The following NCAM1 variants were observed in gnomAD, a reference collection of about 807,000 sequenced individuals.
NCAM1 encodes neural cell adhesion molecule 1.
Under a neutral mutation model 109.8 loss-of-function variants are expected in NCAM1, and 14 were observed. The observed-to-expected ratio is 0.13, with a 90% confidence interval of 0.08 to 0.20. The LOEUF is 0.20. Ranked by LOEUF, NCAM1 falls within the 10% of genes least tolerant of loss-of-function variation. The probability of loss-of-function intolerance (pLI) is 1.00; values close to 1 mark genes in which losing one functional copy is unlikely to be tolerated. For missense variants in NCAM1, 774 were observed against 1,109.9 expected (o/e 0.70, Z 4.30); for synonymous variants, 418 against 442.9 (o/e 0.94, Z 0.70).
At chr11:113,090,603 G>T (rs564689168) in intron 1 of NCAM1, among the ~76,000 whole-genome samples, 1 of 152,184 alleles carries the variant, frequency 6.6e-6, no homozygotes, top group Admixed American at 6.5e-5. Flanking sequence ...GGAAAGTCAG[G>T]TCTGCATGTC....
At chr11:113,023,595 T>C (rs550160745) in intron 1 of NCAM1, among the ~76,000 whole-genome samples, 104 of 152,314 alleles carry the variant, frequency 6.8e-4, no homozygotes, top group Non-Finnish European at 1.4e-3. Flanking sequence ...TAAAAAGAAG[T>C]AGCTTTAAAC....
At chr11:113,275,190 T>A in intron 19 of NCAM1, 77 bp from the exon 20 acceptor site, 1 of 1,574,500 alleles carries the variant, frequency 6.4e-7, no homozygotes, top group Non-Finnish European at 8.6e-7. Flanking sequence ...CTCCCTGCTG[T>A]CCCCAAGGCC....
intron 18 of NCAM1, among the ~76,000 whole-genome samples, chr11:113,270,894 G>C (rs782311771): frequency 6.6e-6 from 1 of 152,186 alleles, no homozygotes; most frequent in Non-Finnish European, 1.5e-5. Context: ...TGATGATCCA[G>C]ATACTGTCCC....
At chr11:113,021,149 C>T (rs773943413) in intron 1 of NCAM1, among the ~76,000 whole-genome samples, 37 of 152,184 alleles carry the variant, frequency 2.4e-4, no homozygotes, top group Non-Finnish European at 4.7e-4. Flanking sequence ...AACAGTAAGA[C>T]AATTGAGTGT....
At chr11:113,272,983 C>A in intron 19 of NCAM1, 1 of 456,918 alleles carries the variant, frequency 2.2e-6, no homozygotes, top group African/African-American at 2.0e-5. Context: ...CCTTCTGTCA[C>A]CACCGTCACC....
intron 1 of NCAM1, among the ~76,000 whole-genome samples, chr11:113,099,922 C>T (rs568543682): frequency 3.3e-5 from 5 of 152,118 alleles, no homozygotes; most frequent in African/African-American, 7.2e-5. Context: ...CTCCTGACCT[C>T]GTGATCTGCC....
intron 1 of NCAM1, among the ~76,000 whole-genome samples, chr11:113,179,745 T>C (rs955252263): frequency 3.9e-5 from 6 of 152,192 alleles, no homozygotes; most frequent in African/African-American, 1.4e-4. Flanking sequence ...CACATGGAAA[T>C]TGCTAGAGAT....
intron 17 of NCAM1, chr11:113,262,771 T>G (rs564115643): frequency 4.6e-6 from 7 of 1,523,074 alleles, no homozygotes; most frequent in Non-Finnish European, 6.3e-6. Flanking sequence ...TGGACGTCAC[T>G]GGGACATCCC....
intron 1 of NCAM1, among the ~76,000 whole-genome samples, chr11:113,187,962 G>A (rs1555109169): frequency 6.6e-6 from 1 of 152,222 alleles, no homozygotes; most frequent in East Asian, 1.9e-4. Flanking sequence ...AATAAAGGCA[G>A]CTTGCCTTGT....
At chr11:113,081,944 C>T (rs187492914) in intron 1 of NCAM1, among the ~76,000 whole-genome samples, 227 of 152,318 alleles carry the variant, frequency 1.5e-3, no homozygotes, top group African/African-American at 5.1e-3. Flanking sequence ...ACTCAACTTG[C>T]ACAAAATTTG....
chr11:113,170,351 C>T (rs1020421983), intron 1 of NCAM1, among the ~76,000 whole-genome samples: 1 of 152,224 alleles, frequency 6.6e-6, no homozygotes, highest in East Asian at 1.9e-4. Context: ...TCTACCCACT[C>T]TTAAAATAGG....
At chr11:113,249,814 C>T (rs560680314) in intron 15 of NCAM1, among the ~76,000 whole-genome samples, 6 of 152,174 alleles carry the variant, frequency 3.9e-5, no homozygotes, top group African/African-American at 1.2e-4. Context: ...TGTCAGAGCT[C>T]GTTGGTTGCT....
chr11:113,219,273 C>T (rs368835037), intron 8 of NCAM1, among the ~76,000 whole-genome samples: 6 of 152,170 alleles, frequency 3.9e-5, no homozygotes, highest in East Asian at 1.9e-4. Context: ...TTCCTTTTCA[C>T]GAGAAAAAAA....
In NCAM1 at chr11:113,201,766, T is replaced by C. The variant is rs191679639; in HGVS notation, c.53-613T>C. ...GACTAATTGGGGTGGTGATATGTGA[T>C]GTTGGCTCCTGTTATGGAAAAAGGT... On this transcript the variant is annotated intron_variant, in intron 1 of 19. Transcript: ENST00000316851. 2.0e-3 allele frequency among the ~76,000 whole-genome samples: 302 copies of C among 152,338 alleles called. 3 individuals are homozygous for C. The highest frequency in any genetic ancestry group is 7.0e-3 in the African/African-American group (293 of 41,578).
At chr11:113,179,641 A>G (rs1481017153) in intron 1 of NCAM1, among the ~76,000 whole-genome samples, 2 of 152,198 alleles carry the variant, frequency 1.3e-5, no homozygotes, top group Non-Finnish European at 2.9e-5. Flanking sequence ...TGCCTTTTCT[A>G]TCAACGCTTG....
intron 1 of NCAM1, among the ~76,000 whole-genome samples, chr11:113,012,880 A>G (rs189405283): frequency 3.7e-4 from 56 of 152,314 alleles, no homozygotes; most frequent in African/African-American, 1.2e-3. Context: ...TCCAGATTAT[A>G]TATGAGACTC....
chr11:112,984,949 AT>A (rs58291228), intron 1 of NCAM1, among the ~76,000 whole-genome samples: 68,142 of 148,836 alleles, frequency 0.46, 16,205 homozygotes, highest in East Asian at 0.8. Context: ...GCACTATCCT[AT>A]TTTTTTTTTA....
chr11:113,142,959 C>T (rs554392464), intron 1 of NCAM1, among the ~76,000 whole-genome samples: 2 of 152,296 alleles, frequency 1.3e-5, no homozygotes, highest in South Asian at 4.1e-4. Flanking sequence ...TCTTTCTATA[C>T]TTCTTTTTCT....
In NCAM1 at chr11:113,081,809, C is replaced by A. The variant is rs575804992; in HGVS notation, c.52+120145C>A. ...TCAGCCTCCCAGAGTGTTGGGACTA[C>A]AGGCGTGAGCCATCGCGCCGTCTTT... On this transcript the variant is annotated intron_variant, in intron 1 of 19. Coordinates refer to ENST00000316851, the MANE Select transcript of NCAM1 (RefSeq NM_181351.5). Among the ~76,000 whole-genome samples, 6 of 152,212 alleles carry A rather than the reference C, an allele frequency of 3.9e-5. No homozygotes were observed. In the South Asian group the frequency reaches 1.0e-3, roughly 26 times the overall value.
Sources: allele counts gnomAD v4.1 joint callset (sites outside exome capture counted in the v4.1 genomes callset), GRCh38; gene constraint gnomAD v4.1.1; transcripts MANE v1.5; gene names NCBI Gene and HGNC (gene_info 2026-07-23, HGNC 2026-07-21).